Variants in PPP2R2B observed in about 807,000 individuals in gnomAD.
PPP2R2B encodes protein phosphatase 2 regulatory subunit Bbeta, also known as serine/threonine-protein phosphatase 2A 55 kDa regulatory subunit B beta isoform.
Under a neutral mutation model 46.0 loss-of-function variants are expected in PPP2R2B, and 5 were observed. The ratio of observed to expected loss-of-function variants is 0.11; its 90% CI spans 0.06 to 0.23. The LOEUF (loss-of-function observed/expected upper bound fraction) is 0.23, where lower values mean the gene tolerates loss of function less well. PPP2R2B is among the 10% of genes least tolerant of loss of function. The pLI is 1.00. For synonymous variants in PPP2R2B, 215 were observed against 206.7 expected (o/e 1.04, Z -0.34); for missense variants, 367 against 575.0 (o/e 0.64, Z 3.70).
At chr5:146,653,989 T>C (rs1776158347) in intron 5 of PPP2R2B, among the ~76,000 whole-genome samples, 1 of 152,156 alleles carries the variant, frequency 6.6e-6, no homozygotes, top group Non-Finnish European at 1.5e-5. Flanking sequence ...ATGGACCGAT[T>C]AGGAAACCAC....
At chr5:146,775,380 A>C (rs548367299) in intron 2 of PPP2R2B, among the ~76,000 whole-genome samples, 9 of 152,212 alleles carry the variant, frequency 5.9e-5, no homozygotes, top group African/African-American at 2.2e-4. Context: ...AATAGAATAA[A>C]GGAAAAAACT....
chr5:146,730,693 C>T (rs558441104), intron 2 of PPP2R2B, among the ~76,000 whole-genome samples: 15 of 152,214 alleles, frequency 9.9e-5, no homozygotes, highest in South Asian at 2.1e-4. Flanking sequence ...TTTCTCTTGC[C>T]GCCACCATGT....
chr5:146,745,160 CAGAGAGAGAG>C (rs747573157), intron 2 of PPP2R2B, among the ~76,000 whole-genome samples: 323 of 95,040 alleles, frequency 3.4e-3, no homozygotes, highest in African/African-American at 0.01. Flanking sequence ...CAGAGAAAGA[CAGAGAGAGAG>C]AGAGAGAGAG....
At chr5:146,931,876 CTAATT>C (rs1404183989) in intron 1 of PPP2R2B, among the ~76,000 whole-genome samples, 1 of 152,082 alleles carries the variant, frequency 6.6e-6, no homozygotes, top group Non-Finnish European at 1.5e-5. Context: ...ATGTAGAAGA[CTAATT>C]TAAAAGAGAA....
chr5:146,729,951 GAA>G (rs1370067295), intron 2 of PPP2R2B, among the ~76,000 whole-genome samples: 1 of 152,204 alleles, frequency 6.6e-6, no homozygotes, highest in Non-Finnish European at 1.5e-5. Context: ...GTGAAGCTGT[GAA>G]AAGAGGGCCA....
intron 5 of PPP2R2B, among the ~76,000 whole-genome samples, chr5:146,669,724 A>G (rs1213641505): frequency 3.3e-5 from 5 of 152,214 alleles, no homozygotes; most frequent in Non-Finnish European, 7.3e-5. Context: ...AAAATCCTGC[A>G]TAGTTGATAC....
At chr5:146,927,613 T>C (rs1487572804) in intron 1 of PPP2R2B, among the ~76,000 whole-genome samples, 1 of 152,068 alleles carries the variant, frequency 6.6e-6, no homozygotes, top group East Asian at 1.9e-4. Flanking sequence ...CTAGCACACA[T>C]CACTAAATGA....
chr5:146,915,885 C>T (rs2151810062), intron 1 of PPP2R2B, among the ~76,000 whole-genome samples: 1 of 152,268 alleles, frequency 6.6e-6, no homozygotes, highest in South Asian at 2.1e-4. Context: ...GTCTTCTCAT[C>T]CTTTTTTGCA....
chr5:146,799,482 G>C (rs926455486), intron 2 of PPP2R2B, among the ~76,000 whole-genome samples: 6 of 152,168 alleles, frequency 3.9e-5, no homozygotes, highest in Admixed American at 3.9e-4. Flanking sequence ...TTGTAAGGAG[G>C]TATCGACAGG....
intron 1 of PPP2R2B, among the ~76,000 whole-genome samples, chr5:147,044,135 T>C (rs911935599): frequency 1.6e-4 from 25 of 152,106 alleles, no homozygotes; most frequent in African/African-American, 6.0e-4. Context: ...CTTGAAGGAA[T>C]TTGAAATCTT....
At chr5:146,961,917 A>G (rs772420371) in intron 1 of PPP2R2B, among the ~76,000 whole-genome samples, 12 of 151,900 alleles carry the variant, frequency 7.9e-5, no homozygotes, top group Non-Finnish European at 1.5e-4. Flanking sequence ...ATTCCTGGTC[A>G]TTGCTTGTGT....
intron 2 of PPP2R2B, among the ~76,000 whole-genome samples, chr5:146,819,627 G>GT (rs1160449393): frequency 4.6e-5 from 7 of 152,140 alleles, no homozygotes; most frequent in East Asian, 3.9e-4. Context: ...AGCTTTCTAT[G>GT]TTTTTTTGTA....
chr5:146,964,834 T>C (rs1316862161), intron 1 of PPP2R2B, among the ~76,000 whole-genome samples: 2 of 152,156 alleles, frequency 1.3e-5, no homozygotes, highest in African/African-American at 4.8e-5. Context: ...CGGCATCTCC[T>C]ATATTTTTAA....
In PPP2R2B at chr5:146,691,907, C is replaced by T. The variant is rs115894007; in HGVS notation, c.335-667G>A. On this transcript the variant is annotated intron_variant, in intron 4 of 9. Transcript: ENST00000394411. ...AATTTGCTCCTTTACTTTCCTCTTGCGCTTGCATCCCAACCTTAGAGAAGC... is the reference window on the plus strand; with the variant it reads ...AATTTGCTCCTTTACTTTCCTCTTGTGCTTGCATCCCAACCTTAGAGAAGC... 7.9e-3 allele frequency among the ~76,000 whole-genome samples: 1,198 copies of T among 152,278 alleles called. 10 individuals are homozygous for T. The highest frequency in any genetic ancestry group is 0.027 in the African/African-American group (1,113 of 41,554).
At position 146,587,226 on chromosome 5, in the gene PPP2R2B, C is replaced by T. The variant is rs1281771312; in HGVS notation, c.*2721G>A. On this transcript the variant is annotated 3_prime_UTR_variant, in exon 10 of 10. Coordinates refer to ENST00000394411, the MANE Select transcript of PPP2R2B (RefSeq NM_181675.4). ...GCTGAAAGATCACACATGTAAAATA[C>T]CTAGTTCAGTACCTGGTAAAGAACA... 6.6e-6 allele frequency: 1 copy of T among 152,160 alleles called. No individual in the cohort carries two copies. Among genetic ancestry groups the T allele is most frequent in the African/African-American group, 2.4e-5 (1 of 41,426 alleles). The allele number at this position is 152,160 out of a possible 1,614,324, so 9.4% of individuals were successfully genotyped here.
At chr5:146,762,870 G>A (rs1276923881) in intron 2 of PPP2R2B, among the ~76,000 whole-genome samples, 1 of 152,210 alleles carries the variant, frequency 6.6e-6, no homozygotes, top group Non-Finnish European at 1.5e-5. Context: ...CCAAGTCCAG[G>A]TCTGCCCTGC....
intron 2 of PPP2R2B, among the ~76,000 whole-genome samples, chr5:146,844,179 AATAT>A (rs572488296): frequency 0.063 from 8,309 of 132,260 alleles, 491 homozygotes; most frequent in African/African-American, 0.16. Flanking sequence ...CAGGAAGGGG[AATAT>A]CACACTCTGG....
rs551270523 is a variant in PPP2R2B, at chr5:147,053,084, A to G, written c.79+2581T>C. 2.0e-5 allele frequency among the ~76,000 whole-genome samples: 3 copies of G among 152,092 alleles called. No homozygotes were observed. In the South Asian group the frequency reaches 6.2e-4, roughly 32 times the overall value. On this transcript the variant is annotated intron_variant, in intron 1 of 8. Coordinates refer to the PPP2R2B transcript ENST00000336640. The stretch of plus-strand genomic sequence containing the variant: ...ATTTTGAATGTATTTTTTTGCAACT[A>G]TCCTGTGGAGTATTGTTACCTATAT...
At chr5:146,758,328 T>G (rs1468103387) in intron 2 of PPP2R2B, among the ~76,000 whole-genome samples, 1 of 152,164 alleles carries the variant, frequency 6.6e-6, no homozygotes, top group Non-Finnish European at 1.5e-5. Flanking sequence ...GAAACAGCTT[T>G]GTGATCTGGG....
Sources: gnomAD v4.1 joint callset for allele counts (sites outside exome capture counted in the v4.1 genomes callset) on GRCh38, gnomAD v4.1.1 for gene constraint, MANE v1.5 for transcripts, NCBI Gene and HGNC (gene_info 2026-07-23, HGNC 2026-07-21) for gene names.